Variants in UMAD1 observed in about 807,000 individuals in gnomAD.
UMAD1 encodes UBAP1-MVB12-associated (UMA)-domain containing protein 1.
Under a neutral mutation model 6.1 loss-of-function variants are expected in UMAD1, and 8 were observed. That is an observed-to-expected ratio of 1.30 (90% confidence interval 0.76 to 2.35). The LOEUF is 2.35. UMAD1 is among the 30% of genes most tolerant of loss of function. The probability of loss-of-function intolerance (pLI) is 0.00; values close to 1 mark genes in which losing one functional copy is unlikely to be tolerated. For synonymous variants in UMAD1, 56 were observed against 31.4 expected (o/e 1.78, Z -2.61); for missense variants, 130 against 78.4 (o/e 1.66, Z -2.49).
At chr7:7,716,863 G>A (rs1368868771) in intron 2 of UMAD1, among the ~76,000 whole-genome samples, 9 of 151,998 alleles carry the variant, frequency 5.9e-5, no homozygotes, top group African/African-American at 1.9e-4. Flanking sequence ...GGAGAATGGC[G>A]TGAACCTGGG....
At chr7:7,768,075 A>G (rs1309570317) in intron 2 of UMAD1, among the ~76,000 whole-genome samples, 1 of 152,076 alleles carries the variant, frequency 6.6e-6, no homozygotes, top group Non-Finnish European at 1.5e-5. Flanking sequence ...TTTCTAGCCC[A>G]TAGGAACCTG....
At chr7:7,823,272 C>G (rs1783276562) in intron 3 of UMAD1, among the ~76,000 whole-genome samples, 1 of 152,092 alleles carries the variant, frequency 6.6e-6, no homozygotes, top group African/African-American at 2.4e-5. Context: ...CAACTTTTTT[C>G]CCTTAACTAT....
intron 2 of UMAD1, among the ~76,000 whole-genome samples, chr7:7,687,500 G>C (rs1780066824): frequency 6.6e-6 from 1 of 152,192 alleles, no homozygotes; most frequent in Non-Finnish European, 1.5e-5. Context: ...CACCCTGCCA[G>C]GGCCACATAT....
rs191035499 is a variant in UMAD1, at chr7:7,873,296, G to A, written c.157-3985G>A. On this transcript the variant is annotated intron_variant, in intron 3 of 3. Transcript: ENST00000682710. ...GTTCTCCTGCTCACAGGTGATCAAAGCCCCGGTGCATATGGAATCTTGAGG... is the reference window on the plus strand; with the variant it reads ...GTTCTCCTGCTCACAGGTGATCAAAACCCCGGTGCATATGGAATCTTGAGG... Among the ~76,000 whole-genome samples the A allele has an allele frequency of 3.3e-3, 507 of 152,310 alleles. 4 individuals are homozygous for A. The highest frequency in any genetic ancestry group is 0.012 in the African/African-American group (487 of 41,556).
At chr7:7,648,368 G>C (rs1040584742) in intron 1 of UMAD1, among the ~76,000 whole-genome samples, 1 of 152,154 alleles carries the variant, frequency 6.6e-6, no homozygotes, top group African/African-American at 2.4e-5. Context: ...GTGTTGGCCT[G>C]ACAGCTTTAA....
chr7:7,737,088 C>T (rs539002735), intron 2 of UMAD1, among the ~76,000 whole-genome samples: 2 of 152,318 alleles, frequency 1.3e-5, no homozygotes, highest in East Asian at 3.9e-4. Flanking sequence ...CTACATTTTG[C>T]GAATCTGTCG....
Position 7,877,438 on chromosome 7 carries a change from C to T in UMAD1, c.314C>T (p.Thr105Ile). 1 of 717,732 alleles carries T rather than the reference C, an allele frequency of 1.4e-6. No individual in the cohort carries two copies. Among genetic ancestry groups the T allele is most frequent in the Non-Finnish European group, 2.6e-6 (1 of 385,152 alleles). 44.5% of individuals were successfully genotyped at this position (717,732 alleles called of 1,614,324 possible). Residue 105 changes from threonine to isoleucine, a missense_variant, in exon 4 of 4, where the codon ACT (threonine) becomes ATT (isoleucine). Coordinates refer to ENST00000682710, the MANE Select transcript of UMAD1 (RefSeq NM_001302348.2). ...GTGCTGGCAGTACAGGGCACCATCA[C>T]TGACCTTCCCGACCACTTACTCTCC... is the stretch of plus-strand genomic sequence containing the variant. ...PHVLAVQGTI[T>I]DLPDHLLSYD...
chr7:7,666,253 G>T (rs868621851), intron 1 of UMAD1, among the ~76,000 whole-genome samples: 1 of 152,096 alleles, frequency 6.6e-6, no homozygotes, highest in African/African-American at 2.4e-5. Context: ...ACCCAGGCTG[G>T]AGTGCAGTGG....
intron 3 of UMAD1, among the ~76,000 whole-genome samples, chr7:7,807,045 G>T (rs748236255): frequency 2.0e-5 from 3 of 152,126 alleles, no homozygotes; most frequent in Non-Finnish European, 4.4e-5. Context: ...AGACATGGTG[G>T]TAGGGAGGAT....
At chr7:7,743,360 C>G (rs901055947) in intron 2 of UMAD1, among the ~76,000 whole-genome samples, 1 of 151,972 alleles carries the variant, frequency 6.6e-6, no homozygotes, top group South Asian at 2.1e-4. Context: ...CGTGAAATAG[C>G]AAAACAATTA....
chr7:7,727,775 T>A (rs1781168436), intron 2 of UMAD1, among the ~76,000 whole-genome samples: 1 of 152,210 alleles, frequency 6.6e-6, no homozygotes, highest in Non-Finnish European at 1.5e-5. Context: ...AACATCAGAC[T>A]TCAAGTTCTT....
chr7:7,659,318 G>T (rs1251008866), intron 1 of UMAD1, among the ~76,000 whole-genome samples: 1 of 151,998 alleles, frequency 6.6e-6, no homozygotes, highest in East Asian at 1.9e-4. Flanking sequence ...TTTTTGCTCT[G>T]ATCTTAGTTA....
At chr7:7,722,398 A>G (rs974565215) in intron 2 of UMAD1, among the ~76,000 whole-genome samples, 5 of 152,086 alleles carry the variant, frequency 3.3e-5, no homozygotes, top group Admixed American at 2.6e-4. Context: ...GGTATAGAGA[A>G]CACTGATAGT....
At chr7:7,856,529 T>C (rs1019202175) in intron 3 of UMAD1, among the ~76,000 whole-genome samples, 2 of 152,196 alleles carry the variant, frequency 1.3e-5, no homozygotes, top group Non-Finnish European at 2.9e-5. Context: ...ATATGGGGAT[T>C]GTGGAGATTA....
chr7:7,723,846 C>G (rs1255802868), intron 2 of UMAD1, among the ~76,000 whole-genome samples: 7 of 152,138 alleles, frequency 4.6e-5, no homozygotes, highest in Admixed American at 2.6e-4. Context: ...GTGTAGAGCT[C>G]TGCCATTGGC....
intron 3 of UMAD1, among the ~76,000 whole-genome samples, chr7:7,846,244 A>G (rs1783780088): frequency 6.6e-6 from 1 of 152,166 alleles, no homozygotes. Context: ...ATTCCATAAT[A>G]TCTCATAGTG....
chr7:7,759,932 C>G (rs1483554761), intron 2 of UMAD1, among the ~76,000 whole-genome samples: 1 of 152,158 alleles, frequency 6.6e-6, no homozygotes, highest in African/African-American at 2.4e-5. Flanking sequence ...TTCTTTGACA[C>G]TCTCCCATTG....
At chr7:7,872,854 G>T (rs1784356060) in intron 3 of UMAD1, among the ~76,000 whole-genome samples, 1 of 152,154 alleles carries the variant, frequency 6.6e-6, no homozygotes, top group Non-Finnish European at 1.5e-5. Flanking sequence ...AAGTTTGAGT[G>T]GGATGAGACT....
At chr7:7,745,827 G>GTC (rs1781563017) in intron 2 of UMAD1, among the ~76,000 whole-genome samples, 1 of 152,140 alleles carries the variant, frequency 6.6e-6, no homozygotes, top group African/African-American at 2.4e-5. Flanking sequence ...TCTTTGCTCA[G>GTC]TCTCTCTGGG....
Sources: gnomAD v4.1 joint callset for allele counts (sites outside exome capture counted in the v4.1 genomes callset) on GRCh38, gnomAD v4.1.1 for gene constraint, MANE v1.5 for transcripts, NCBI Gene and HGNC (gene_info 2026-07-23, HGNC 2026-07-21) for gene names.